Variants in DUSP16 observed in about 807,000 individuals in gnomAD.
The protein encoded by DUSP16 is dual specificity phosphatase 16, also known as dual specificity protein phosphatase 16.
DUSP16 carries 21 observed loss-of-function variants against 58.3 expected under a neutral mutation model. The ratio of observed to expected loss-of-function variants is 0.36; its 90% CI spans 0.26 to 0.52. DUSP16 has a LOEUF of 0.52. Ranked by LOEUF, DUSP16 falls within the 20% of genes least tolerant of loss-of-function variation. DUSP16 has a pLI of 0.94. For missense variants in DUSP16, 726 were observed against 819.0 expected (o/e 0.89, Z 1.39); for synonymous variants, 320 against 323.8 (o/e 0.99, Z 0.12).
intron 1 of DUSP16, among the ~76,000 whole-genome samples, chr12:12,536,751 A>T (rs2136247095): frequency 6.6e-6 from 1 of 152,050 alleles, no homozygotes; most frequent in African/African-American, 2.4e-5. Flanking sequence ...CATCTCAAAA[A>T]AAAAACGCCG....
intron 4 of DUSP16, among the ~76,000 whole-genome samples, chr12:12,499,782 G>A (rs889414631): frequency 2.0e-5 from 3 of 152,072 alleles, no homozygotes; most frequent in South Asian, 4.1e-4. Flanking sequence ...ACTTTTCCAC[G>A]CAGTAAGAGC....
rs1943353968 is a variant in DUSP16 at position 12,473,404 on chromosome 12, C to G, written c.*3429G>C. On this transcript the variant is annotated 3_prime_UTR_variant, in exon 7 of 7. Transcript: ENST00000298573. ...CAACTGGCCTGAACTTCAGGCTCTC[C>G]CAAGATCTGCATCTTCTCATTGGAA... Among the ~76,000 whole-genome samples, 1 of 152,192 alleles carries G rather than the reference C, an allele frequency of 6.6e-6. No homozygotes were observed.
chr12:12,478,196 G>C (rs1943495378), intron 6 of DUSP16, among the ~76,000 whole-genome samples, 181 bp from the exon 7 acceptor site: 1 of 152,168 alleles, frequency 6.6e-6, no homozygotes, highest in African/African-American at 2.4e-5. Flanking sequence ...AGGCACTGGG[G>C]AAGCTTTGCA....
At chr12:12,484,678 A>G (rs1020816188) in intron 5 of DUSP16, among the ~76,000 whole-genome samples, 3 of 151,460 alleles carry the variant, frequency 2.0e-5, no homozygotes, top group Non-Finnish European at 4.4e-5. Flanking sequence ...CTGGAGTGCA[A>G]TGGCGTGGTC....
At chr12:12,553,408 C>T (rs1420062125) in intron 1 of DUSP16, among the ~76,000 whole-genome samples, 2 of 152,286 alleles carry the variant, frequency 1.3e-5, no homozygotes, top group East Asian at 1.9e-4. Flanking sequence ...GCCTTAGTTT[C>T]CTCATCTGTA....
At chr12:12,548,547 A>T (rs1211682263) in intron 1 of DUSP16, among the ~76,000 whole-genome samples, 1 of 147,806 alleles carries the variant, frequency 6.8e-6, no homozygotes, top group Admixed American at 6.9e-5. Flanking sequence ...AAAGAGAATC[A>T]CTTGAACCCA....
Position 12,542,388 on chromosome 12 carries a change from GAAAAAAAA to G in DUSP16, c.-366+19721_-366+19728del, listed in dbSNP as rs56822339. Among the ~76,000 whole-genome samples the G allele has an allele frequency of 2.2e-3, 237 of 109,690 alleles. 2 individuals are homozygous for G. Among genetic ancestry groups the G allele is most frequent in the Non-Finnish European group, 3.3e-3 (184 of 55,644 alleles). The allele number at this position is 109,690 out of a possible 152,430, so 72.0% of individuals were successfully genotyped here. On this transcript the variant is annotated intron_variant, in intron 1 of 6. Coordinates refer to ENST00000298573, the MANE Select transcript of DUSP16 (RefSeq NM_030640.3). ...AACTTCATCTCAAAAAAAGAAAAGA[GAAAAAAAA>G]AAAAAAAAAAAAAGAAATACCCAGA...
chr12:12,559,930 A>C (rs1458543587), intron 1 of DUSP16, among the ~76,000 whole-genome samples: 3 of 152,184 alleles, frequency 2.0e-5, no homozygotes, highest in Non-Finnish European at 2.9e-5. Context: ...AGGAAAAAGG[A>C]AAAGAACCGG....
chr12:12,502,266 T>A (rs114735435), intron 3 of DUSP16, among the ~76,000 whole-genome samples: 2,004 of 152,312 alleles, frequency 0.013, 53 homozygotes, highest in African/African-American at 0.045. Flanking sequence ...CAGACGCCTG[T>A]CTCTACTGTC....
chr12:12,530,338 T>C (rs931313958), intron 1 of DUSP16, among the ~76,000 whole-genome samples: 1 of 152,186 alleles, frequency 6.6e-6, no homozygotes, highest in African/African-American at 2.4e-5. Context: ...CTTTCACCCA[T>C]TTTTCAACCA....
At chr12:12,547,531 T>TAAAAAAAAAAAAA (rs761142479) in intron 1 of DUSP16, among the ~76,000 whole-genome samples, 1 of 66,658 alleles carries the variant, frequency 1.5e-5, no homozygotes. Flanking sequence ...TGAGTAGGCT[T>TAAAAAAAAAAAAA]AAAAAAAAAA....
In DUSP16 at chr12:12,487,099, A is replaced by G; in HGVS notation, c.620T>C (p.Leu207Pro). 10 of 1,614,220 alleles carry G rather than the reference A, an allele frequency of 6.2e-6. No homozygotes were observed. Among genetic ancestry groups the G allele is most frequent in the Non-Finnish European group, 8.5e-6 (10 of 1,180,028 alleles). The change falls in exon 5 of 7, where the codon CTG (leucine) becomes CCG (proline). Residue 207 changes from leucine (L) to proline (P), a missense_variant. Coordinates refer to ENST00000298573, the MANE Select transcript of DUSP16 (RefSeq NM_030640.3). ...AAAGCTGTCATTCACAGGCACACGC[A>G]GGAAATGAGACTCGGGGATAAAGTC... ...KPDFIPESHF[L>P]RVPVNDSFCE...
intron 1 of DUSP16, among the ~76,000 whole-genome samples, chr12:12,527,200 C>T (rs2041927): frequency 0.56 from 85,501 of 151,894 alleles, 24,297 homozygotes; most frequent in East Asian, 0.66. Context: ...TTCCCTCCAA[C>T]AAAACTGAAG....
At chr12:12,485,193 A>G (rs1943657930) in intron 5 of DUSP16, among the ~76,000 whole-genome samples, 1 of 150,998 alleles carries the variant, frequency 6.6e-6, no homozygotes, top group Non-Finnish European at 1.5e-5. Context: ...TATTTTTAGT[A>G]GAGGTGGGGT....
chr12:12,535,458 T>G (rs971537272), intron 1 of DUSP16, among the ~76,000 whole-genome samples: 1 of 152,194 alleles, frequency 6.6e-6, no homozygotes, highest in Non-Finnish European at 1.5e-5. Flanking sequence ...ATTCTGTCAT[T>G]TTTACACAGT....
chr12:12,497,144 G>A (rs1489611561), intron 4 of DUSP16, among the ~76,000 whole-genome samples: 1 of 152,148 alleles, frequency 6.6e-6, no homozygotes, highest in Non-Finnish European at 1.5e-5. Context: ...ATTGCATGTT[G>A]AAATACTATT....
Position 12,481,309 on chromosome 12 carries a change from A to C in DUSP16, c.692-963T>G, listed in dbSNP as rs575504994. 4.6e-5 allele frequency among the ~76,000 whole-genome samples: 7 copies of C among 152,332 alleles called. No individual in the cohort carries two copies. The South Asian group carries it at 1.5e-3, about 32-fold the overall frequency. On this transcript the variant is annotated intron_variant, in intron 5 of 6. Coordinates refer to ENST00000298573, the MANE Select transcript of DUSP16 (RefSeq NM_030640.3). ...TGCTGAGGGGCTTAACAATATGTAC[A>C]TGTGGCAGGGGACGAGGTTATTCCA...
At chr12:12,494,897 T>G (rs1195540949) in intron 4 of DUSP16, among the ~76,000 whole-genome samples, 1 of 152,182 alleles carries the variant, frequency 6.6e-6, no homozygotes, top group Non-Finnish European at 1.5e-5. Context: ...GATCTCTTCT[T>G]GGAAACAATT....
rs1372966805 is a variant in DUSP16 at position 12,521,182 on chromosome 12, T to C, written c.-84A>G. The C allele has an allele frequency of 6.5e-7, 1 of 1,543,014 alleles. No individual in the cohort carries two copies. The highest frequency in any genetic ancestry group is 1.4e-5 in the African/African-American group (1 of 73,212). On this transcript the variant is annotated 5_prime_UTR_variant, in exon 2 of 7. Coordinates refer to ENST00000298573, the MANE Select transcript of DUSP16 (RefSeq NM_030640.3). ...GTGGTGTGCTCAAAGGCTCAGCCAC[T>C]CCATTGTACTAAAAGTGTATGAGGT...
Sources: allele counts gnomAD v4.1 joint callset (sites outside exome capture counted in the v4.1 genomes callset), GRCh38; gene constraint gnomAD v4.1.1; transcripts MANE v1.5; gene names NCBI Gene and HGNC (gene_info 2026-07-23, HGNC 2026-07-21).